CACNA1D: variants seen among roughly 807,000 people sequenced by gnomAD.
CACNA1D encodes the protein calcium voltage-gated channel subunit alpha1 D.
Under a neutral mutation model 257.1 loss-of-function variants are expected in CACNA1D, and 55 were observed. The ratio of observed to expected loss-of-function variants is 0.21; its 90% CI spans 0.17 to 0.27. CACNA1D has a LOEUF of 0.27. CACNA1D is among the 10% of genes least tolerant of loss of function. The pLI is 1.00. For missense variants in CACNA1D, 1,876 were observed against 2,784.0 expected (o/e 0.67, Z 7.34); for synonymous variants, 980 against 1,014.9 (o/e 0.97, Z 0.65).
At chr3:53,770,342 C>G in intron 31 of CACNA1D, 82 bp from the exon 32 acceptor site, 4 of 1,316,996 alleles carry the variant, frequency 3.0e-6, no homozygotes, top group Non-Finnish European at 4.4e-6. Flanking sequence ...CCTCTGTCAC[C>G]TTTGCATCTG....
intron 5 of CACNA1D, among the ~76,000 whole-genome samples, chr3:53,663,257 G>A (rs913380658): frequency 9.2e-5 from 14 of 152,202 alleles, no homozygotes; most frequent in Non-Finnish European, 1.6e-4. Flanking sequence ...TCCGATGTAA[G>A]CATCTCAGCT....
At chr3:53,694,539 T>C (rs2094556775) in intron 8 of CACNA1D, among the ~76,000 whole-genome samples, 2 of 152,130 alleles carry the variant, frequency 1.3e-5, no homozygotes, top group African/African-American at 4.8e-5. Flanking sequence ...TGACTGGGCA[T>C]ATGATGTGGG....
intron 8 of CACNA1D, among the ~76,000 whole-genome samples, chr3:53,702,141 C>G (rs2094632458): frequency 6.6e-6 from 1 of 152,140 alleles, no homozygotes; most frequent in African/African-American, 2.4e-5. Flanking sequence ...GCTGCCTGCT[C>G]AGAGCTCTTG....
chr3:53,719,903 C>T (rs1433162277), intron 11 of CACNA1D, 122 bp downstream of exon 11: 13 of 919,088 alleles, frequency 1.4e-5, no homozygotes, highest in Non-Finnish European at 2.4e-5. Context: ...AACATTGATA[C>T]TGAATTGCAG....
chr3:53,673,905 CTGCA>C lies in CACNA1D; in HGVS notation c.1220+782_1220+785del. ...TCCTAGCTGCTCCCTGACAGCTTCT[CTGCA>C]TGTGTTTGGACTCTGATGTCCTCTC... On this transcript the variant is annotated intron_variant, in intron 8 of 47. Coordinates refer to ENST00000350061, the MANE Select transcript of CACNA1D (RefSeq NM_001128840.3). The surrounding 1 kb of genome is among the most constrained non-coding windows in gnomAD (Gnocchi z 4.1). 6.0e-6 allele frequency: 5 copies of C among 834,026 alleles called. No individual in the cohort carries two copies. The highest frequency in any genetic ancestry group is 1.1e-5 in the Non-Finnish European group (5 of 470,412). 51.7% of individuals were successfully genotyped at this position (834,026 alleles called of 1,614,324 possible). A position where few individuals can be genotyped will look rare whatever the true frequency, so the allele number is the denominator to read the frequency against.
intron 9 of CACNA1D, among the ~76,000 whole-genome samples, chr3:53,706,021 A>C (rs1254316824): frequency 1.3e-5 from 2 of 152,220 alleles, no homozygotes; most frequent in Non-Finnish European, 2.9e-5. Context: ...GGGTGTTGCC[A>C]GTGTTACGGT....
intron 39 of CACNA1D, chr3:53,785,521 G>A (rs771669021): frequency 7.2e-5 from 11 of 152,162 alleles, no homozygotes; most frequent in Middle Eastern, 3.2e-3. Flanking sequence ...AGCCCACCCC[G>A]GGTACATTAG....
intron 5 of CACNA1D, among the ~76,000 whole-genome samples, chr3:53,660,798 C>T (rs1336315484): frequency 6.6e-6 from 1 of 152,100 alleles, no homozygotes; most frequent in Admixed American, 6.5e-5. Flanking sequence ...ATGAATGCTT[C>T]TTACCTGGTG....
intron 3 of CACNA1D, among the ~76,000 whole-genome samples, chr3:53,607,401 A>C (rs76025859): frequency 5.7e-4 from 87 of 152,384 alleles, no homozygotes; most frequent in African/African-American, 2.0e-3. Context: ...GACCCTTAAA[A>C]TCAGAAAGGG....
At chr3:53,656,873 T>C (rs1474785754) in intron 4 of CACNA1D, among the ~76,000 whole-genome samples, 2 of 152,156 alleles carry the variant, frequency 1.3e-5, no homozygotes, top group East Asian at 1.9e-4. Context: ...GCATACCCAC[T>C]AGTATTACTA....
At chr3:53,511,419 C>G (rs936664498) in intron 3 of CACNA1D, among the ~76,000 whole-genome samples, 10 of 152,140 alleles carry the variant, frequency 6.6e-5, no homozygotes, top group African/African-American at 2.4e-4. Context: ...AGCAGCCACG[C>G]TCATTCAGAG....
At chr3:53,661,685 G>A (rs891816008) in intron 5 of CACNA1D, among the ~76,000 whole-genome samples, 16 of 152,342 alleles carry the variant, frequency 1.1e-4, no homozygotes, top group Admixed American at 8.5e-4. Context: ...CTGTGGCTGT[G>A]TGCGTGTGTG....
intron 3 of CACNA1D, among the ~76,000 whole-genome samples, chr3:53,599,095 C>T (rs3821851): frequency 0.49 from 74,399 of 151,718 alleles, 19,757 homozygotes; most frequent in African/African-American, 0.72. Context: ...TTCCAATGAA[C>T]GGAATCTTTC....
chr3:53,605,378 C>A (rs1348758732), intron 3 of CACNA1D, among the ~76,000 whole-genome samples: 2 of 152,128 alleles, frequency 1.3e-5, no homozygotes, highest in Non-Finnish European at 2.9e-5. Flanking sequence ...GTGGAAGGCT[C>A]CTAGGTTCTG....
At chr3:53,592,339 A>AGT (rs199844703) in intron 3 of CACNA1D, among the ~76,000 whole-genome samples, 8 of 151,728 alleles carry the variant, frequency 5.3e-5, no homozygotes, top group African/African-American at 7.3e-5. Flanking sequence ...CCTGGCTGAG[A>AGT]GTGTGTGTGT....
rs1418467894 is a variant in CACNA1D, at chr3:53,683,884, T to G, written c.1220+10758T>G. 1.3e-5 allele frequency among the ~76,000 whole-genome samples: 2 copies of G among 152,206 alleles called. 1 individual carries two copies. The highest frequency in any genetic ancestry group is 4.2e-4 in the South Asian group (2 of 4,816). On this transcript the variant is annotated intron_variant, in intron 8 of 47. Coordinates refer to ENST00000350061, the MANE Select transcript of CACNA1D (RefSeq NM_001128840.3). ...AGAAAAATTTTAAGATAAATAAAGC[T>G]GAACATGTTGCAAGTATTGAAAACT...
chr3:53,702,167 G>A (rs2094632728), intron 8 of CACNA1D, among the ~76,000 whole-genome samples: 1 of 152,048 alleles, frequency 6.6e-6, no homozygotes, highest in Admixed American at 6.5e-5. Flanking sequence ...GACAAAAGGG[G>A]TAGCACACAA....
At chr3:53,693,215 C>T (rs556879154) in intron 8 of CACNA1D, among the ~76,000 whole-genome samples, 52 of 152,286 alleles carry the variant, frequency 3.4e-4, no homozygotes, top group African/African-American at 1.2e-3. Context: ...CCCAGGCCAG[C>T]TGTCTTCCCC....
At chr3:53,571,804 C>T (rs1039152988) in intron 3 of CACNA1D, among the ~76,000 whole-genome samples, 10 of 152,184 alleles carry the variant, frequency 6.6e-5, no homozygotes, top group Admixed American at 5.2e-4. Context: ...TACAAAAAAG[C>T]GTGTCCTGTG....
Sources: gnomAD v4.1 joint callset for allele counts (sites outside exome capture counted in the v4.1 genomes callset) on GRCh38, gnomAD v4.1.1 for gene constraint, Gnocchi (gnomAD v3.1) non-coding constraint, MANE v1.5 for transcripts, NCBI Gene and HGNC (gene_info 2026-07-23, HGNC 2026-07-21) for gene names.